Variants in ACTR3C observed in about 807,000 individuals in gnomAD.
ACTR3C encodes the protein actin related protein 3C.
In ACTR3C, 18 loss-of-function variants were observed where a neutral mutation model predicts 26.3. The observed-to-expected ratio is 0.68, with a 90% CI of 0.47 to 1.01. The LOEUF is 1.01. ACTR3C is among the 50% of genes least tolerant of loss of function. The pLI, the probability that ACTR3C is intolerant of heterozygous loss-of-function variation, is 0.00. For synonymous variants in ACTR3C, 55 were observed against 94.5 expected (o/e 0.58, Z 2.42); for missense variants, 184 against 250.7 (o/e 0.73, Z 1.80).
chr7:150,180,296 C>T, the ACTR3C span, among the ~76,000 whole-genome samples: 1 of 149,922 alleles, frequency 6.7e-6, no homozygotes, highest in South Asian at 2.1e-4. Context: ...CAGAGCGAGA[C>T]TCCATATTAA....
the ACTR3C span, among the ~76,000 whole-genome samples, chr7:150,208,805 T>A: frequency 6.6e-6 from 1 of 152,146 alleles, no homozygotes; most frequent in African/African-American, 2.4e-5. Context: ...ACAAATCTCA[T>A]TCAAGGATGG....
the ACTR3C span, among the ~76,000 whole-genome samples, chr7:149,900,906 A>T: frequency 6.6e-6 from 1 of 151,948 alleles, no homozygotes; most frequent in African/African-American, 2.4e-5. Context: ...GGTGGTGGGC[A>T]CCTGTAATCC....
At chr7:149,958,087 C>T in the ACTR3C span, among the ~76,000 whole-genome samples, 1 of 152,112 alleles carries the variant, frequency 6.6e-6, no homozygotes, top group South Asian at 2.1e-4. Flanking sequence ...ACTAGGTTCA[C>T]ATTGATGGTT....
chr7:150,111,871 A>C, the ACTR3C span, among the ~76,000 whole-genome samples: 1 of 150,970 alleles, frequency 6.6e-6, no homozygotes, highest in African/African-American at 2.4e-5. Flanking sequence ...TGACCTGCGA[A>C]GCCCCCTTCC....
chr7:150,276,067 G>A (rs1290439015), intron 6 of ACTR3C, among the ~76,000 whole-genome samples: 3 of 152,032 alleles, frequency 2.0e-5, no homozygotes, highest in African/African-American at 7.3e-5. Context: ...AGATGGAAAG[G>A]CCCTGTCTTT....
the ACTR3C span, among the ~76,000 whole-genome samples, chr7:149,922,067 C>T: frequency 7.6e-6 from 1 of 131,866 alleles, no homozygotes; most frequent in South Asian, 2.6e-4. Flanking sequence ...TGCTCAGTAA[C>T]AACTCTTCGC....
chr7:150,297,065 G>A (rs1165235129), intron 1 of ACTR3C, among the ~76,000 whole-genome samples: 3 of 152,162 alleles, frequency 2.0e-5, no homozygotes, highest in Non-Finnish European at 2.9e-5. Flanking sequence ...CAGCAGCCGA[G>A]TAGACTAATA....
At chr7:150,171,883 C>A in the ACTR3C span, among the ~76,000 whole-genome samples, 1 of 150,872 alleles carries the variant, frequency 6.6e-6, no homozygotes, top group South Asian at 2.1e-4. Flanking sequence ...GCAATCCCGG[C>A]TCACTGCAAC....
At chr7:149,952,698 GA>G in the ACTR3C span, among the ~76,000 whole-genome samples, 1 of 150,256 alleles carries the variant, frequency 6.7e-6, no homozygotes, top group Non-Finnish European at 1.5e-5. Context: ...AGAGGCAAGA[GA>G]AAAAGGTCAA....
At chr7:150,252,150 G>GCA (rs781238177) in intron 6 of ACTR3C, among the ~76,000 whole-genome samples, 31 of 150,270 alleles carry the variant, frequency 2.1e-4, no homozygotes, top group Non-Finnish European at 4.0e-4. Flanking sequence ...GTGTGTGCAT[G>GCA]TGTGTGTGTG....
the ACTR3C span, among the ~76,000 whole-genome samples, chr7:150,206,146 G>A: frequency 5.9e-5 from 9 of 152,138 alleles, no homozygotes; most frequent in Non-Finnish European, 1.0e-4. Context: ...GCTGCTCTCC[G>A]CTTTCTCTTC....
chr7:150,025,970 C>T, the ACTR3C span, among the ~76,000 whole-genome samples: 9 of 152,240 alleles, frequency 5.9e-5, no homozygotes, highest in East Asian at 1.7e-3. Context: ...GACTGCGAGG[C>T]CTTCGGAGGG....
At chr7:150,039,396 G>C in the ACTR3C span, among the ~76,000 whole-genome samples, 1 of 52,782 alleles carries the variant, frequency 1.9e-5, no homozygotes, top group Non-Finnish European at 4.0e-5. Flanking sequence ...GAACCCGGGG[G>C]GGAAGAGGGA....
At chr7:150,220,779 T>G in the ACTR3C span, among the ~76,000 whole-genome samples, 1 of 152,308 alleles carries the variant, frequency 6.6e-6, no homozygotes. Context: ...GAGCCACCGC[T>G]GCAAGGAGCC....
chr7:150,250,762 A>C (rs1417736719), intron 6 of ACTR3C, among the ~76,000 whole-genome samples: 10 of 151,932 alleles, frequency 6.6e-5, no homozygotes, highest in Non-Finnish European at 1.5e-4. Flanking sequence ...GAGGTGAAGA[A>C]GACTGCGGGA....
chr7:150,015,892 A>G, the ACTR3C span, among the ~76,000 whole-genome samples: 1 of 148,186 alleles, frequency 6.7e-6, no homozygotes, highest in African/African-American at 2.5e-5. Flanking sequence ...TTTTAGCATC[A>G]TTATTAATAG....
the ACTR3C span, among the ~76,000 whole-genome samples, chr7:150,058,524 C>A: frequency 9.2e-5 from 14 of 152,130 alleles, no homozygotes; most frequent in Non-Finnish European, 1.6e-4. Flanking sequence ...AGAGGAGGGA[C>A]CCCTCCCCTG....
chr7:149,954,356 TG>T, the ACTR3C span, among the ~76,000 whole-genome samples: 4 of 152,172 alleles, frequency 2.6e-5, no homozygotes, highest in Admixed American at 2.0e-4. Flanking sequence ...AATGAATAAA[TG>T]GTTTGATACT....
the ACTR3C span, among the ~76,000 whole-genome samples, chr7:150,036,550 G>T: frequency 6.9e-6 from 1 of 144,316 alleles, no homozygotes; most frequent in Non-Finnish European, 1.6e-5. Context: ...AAAAGTTCCG[G>T]GTCCCCGACC....
Sources: gnomAD v4.1 joint callset for allele counts (sites outside exome capture counted in the v4.1 genomes callset) on GRCh38, gnomAD v4.1.1 for gene constraint, MANE v1.5 for transcripts, NCBI Gene and HGNC (gene_info 2026-07-23, HGNC 2026-07-21) for gene names.